ANKFN1: variants seen among roughly 807,000 people sequenced by gnomAD.
ANKFN1 encodes the protein ankyrin repeat and fibronectin type III domain containing 1, also known as ankyrin repeat and fibronectin type-III domain-containing protein 1.
Under a neutral mutation model 108.7 loss-of-function variants are expected in ANKFN1, and 74 were observed. The observed-to-expected ratio is 0.68, with a 90% CI of 0.56 to 0.83. The LOEUF (loss-of-function observed/expected upper bound fraction) is 0.83. Ranked by LOEUF, ANKFN1 falls within the 40% of genes least tolerant of loss-of-function variation. The pLI is 0.00. For synonymous variants in ANKFN1, 547 were observed against 516.2 expected (o/e 1.06, Z -0.81); for missense variants, 1,505 against 1,382.3 (o/e 1.09, Z -1.41).
intron 1 of ANKFN1, among the ~76,000 whole-genome samples, chr17:56,192,092 C>T (rs1240988778): frequency 4.6e-5 from 7 of 152,022 alleles, no homozygotes; most frequent in Admixed American, 6.6e-5. Context: ...TCAGAAATAA[C>T]GCTGCTTACC....
At chr17:56,294,116 CA>C (rs1369616758) in intron 3 of ANKFN1, among the ~76,000 whole-genome samples, 4 of 152,136 alleles carry the variant, frequency 2.6e-5, no homozygotes, top group Non-Finnish European at 5.9e-5. Flanking sequence ...ACTCAGGGAG[CA>C]AAAATTTGTT....
At chr17:56,080,433 T>C (rs75416335) in intron 4 of ANKFN1, among the ~76,000 whole-genome samples, 6,074 of 152,246 alleles carry the variant, frequency 0.04, 389 homozygotes, top group African/African-American at 0.14. Flanking sequence ...AGATTCAGGA[T>C]TCAGGAATAT....
chr17:56,497,262 G>T (rs1403263873), intron 19 of ANKFN1, among the ~76,000 whole-genome samples: 2 of 152,040 alleles, frequency 1.3e-5, no homozygotes, highest in South Asian at 2.1e-4. Context: ...CTTCAAAATG[G>T]CTTAGTGTCT....
chr17:56,079,156 C>T (rs1201108215), intron 4 of ANKFN1, among the ~76,000 whole-genome samples: 5 of 152,104 alleles, frequency 3.3e-5, no homozygotes, highest in Non-Finnish European at 5.9e-5. Context: ...AGGAGTGTGA[C>T]GAGGGCCAAA....
intron 1 of ANKFN1, among the ~76,000 whole-genome samples, chr17:56,165,365 C>G (rs1415978162): frequency 6.6e-6 from 1 of 152,150 alleles, no homozygotes; most frequent in Non-Finnish European, 1.5e-5. Flanking sequence ...CACAAGACCA[C>G]TATTAACTAG....
At chr17:56,060,516 A>C (rs1043986326) in intron 4 of ANKFN1, among the ~76,000 whole-genome samples, 16 of 152,176 alleles carry the variant, frequency 1.1e-4, no homozygotes, top group African/African-American at 3.6e-4. Flanking sequence ...ACCAGTTTTC[A>C]AAAAGAATGC....
chr17:56,233,186 T>C (rs910824914), intron 3 of ANKFN1, among the ~76,000 whole-genome samples: 6 of 152,086 alleles, frequency 3.9e-5, no homozygotes, highest in African/African-American at 1.4e-4. Flanking sequence ...ATTTTCAATA[T>C]ATGCTAATAG....
intron 4 of ANKFN1, among the ~76,000 whole-genome samples, chr17:56,119,675 T>C (rs1906492501): frequency 6.6e-6 from 1 of 152,130 alleles, no homozygotes; most frequent in Non-Finnish European, 1.5e-5. Context: ...ATGTTCCAAG[T>C]TCAATTATAC....
intron 3 of ANKFN1, among the ~76,000 whole-genome samples, chr17:56,266,286 A>G (rs973101497): frequency 1.3e-5 from 2 of 152,146 alleles, no homozygotes; most frequent in African/African-American, 4.8e-5. Context: ...TTTGAATCTA[A>G]TTCTGTGGCC....
chr17:56,310,392 C>A (rs995894554), intron 3 of ANKFN1, among the ~76,000 whole-genome samples: 3 of 151,894 alleles, frequency 2.0e-5, no homozygotes, highest in Non-Finnish European at 4.4e-5. Context: ...CCGAGGCGGG[C>A]GGATCACGAG....
intron 1 of ANKFN1, among the ~76,000 whole-genome samples, chr17:56,180,943 C>T (rs1335449436): frequency 6.6e-6 from 1 of 152,154 alleles, no homozygotes; most frequent in Non-Finnish European, 1.5e-5. Context: ...ACACCAATGG[C>T]TTTAGCTTCT....
chr17:56,128,476 T>G (rs1324307076), intron 4 of ANKFN1, among the ~76,000 whole-genome samples: 1 of 152,194 alleles, frequency 6.6e-6, no homozygotes, highest in African/African-American at 2.4e-5. Flanking sequence ...GTTCTTTCGT[T>G]GAGTATAGGA....
intron 4 of ANKFN1, among the ~76,000 whole-genome samples, chr17:56,066,667 A>G (rs1198591734): frequency 6.6e-6 from 1 of 152,134 alleles, no homozygotes. Flanking sequence ...ACATTCACCG[A>G]TTGCTGTGCA....
Position 56,374,702 on chromosome 17 carries a change from A to T in ANKFN1, c.898A>T (p.Thr300Ser), listed in dbSNP as rs201102563. The change falls in exon 8 of 21, where the codon ACC (threonine) becomes TCC (serine). Residue 300 changes from threonine (T) to serine (S), a missense_variant. By Grantham distance (58) the Thr-to-Ser change is moderately conservative (BLOSUM62 1). Transcript: ENST00000682825. The part of the protein sequence containing the change: ...EPLSVNAAVV[T>S]RYKVEWSMSE... Reference sequence around the variant, plus strand: ...TCTTAGCGTCAATGCAGCTGTAGTAACCAGGTATAAAGGTACTGGACCCAA... The same window carrying T: ...TCTTAGCGTCAATGCAGCTGTAGTATCCAGGTATAAAGGTACTGGACCCAA... 1.5e-4 allele frequency: 243 copies of T among 1,612,924 alleles called. No homozygotes were observed. The highest frequency in any genetic ancestry group is 1.0e-5 in the Non-Finnish European group (12 of 1,179,070).
chr17:56,065,928 CA>C (rs1905052808), intron 4 of ANKFN1, among the ~76,000 whole-genome samples: 1 of 152,306 alleles, frequency 6.6e-6, no homozygotes, highest in Non-Finnish European at 1.5e-5. Flanking sequence ...AGAATTGCCA[CA>C]AGCCTTCAAT....
intron 4 of ANKFN1, among the ~76,000 whole-genome samples, chr17:56,132,915 GA>G (rs1907369124): frequency 6.6e-6 from 1 of 152,176 alleles, no homozygotes; most frequent in African/African-American, 2.4e-5. Flanking sequence ...TAGGTTTTAA[GA>G]CATGAATTTT....
At chr17:56,460,056 T>TACA (rs1555658580) in intron 14 of ANKFN1, among the ~76,000 whole-genome samples, 1 of 148,052 alleles carries the variant, frequency 6.8e-6, no homozygotes, top group Admixed American at 6.7e-5. Flanking sequence ...CATTGCCACA[T>TACA]AAAAAAAAAA....
intron 8 of ANKFN1, among the ~76,000 whole-genome samples, chr17:56,438,718 C>T (rs1040999507): frequency 2.0e-5 from 3 of 152,050 alleles, no homozygotes; most frequent in Non-Finnish European, 4.4e-5. Context: ...TGCCACCACT[C>T]GGAATGGGAG....
chr17:56,160,591 TAA>T (rs1909562836), intron 1 of ANKFN1, among the ~76,000 whole-genome samples: 1 of 152,212 alleles, frequency 6.6e-6, no homozygotes, highest in Non-Finnish European at 1.5e-5. Context: ...TCATAAGAGA[TAA>T]AGAGTTCCAG....
Sources: allele counts gnomAD v4.1 joint callset (sites outside exome capture counted in the v4.1 genomes callset), GRCh38; gene constraint gnomAD v4.1.1; transcripts MANE v1.5; gene names NCBI Gene and HGNC (gene_info 2026-07-23, HGNC 2026-07-21).